Variants in HMCN2 observed in about 807,000 individuals in gnomAD.
The protein encoded by HMCN2 is hemicentin-2.
HMCN2 carries 325 observed loss-of-function variants against 377.5 expected under a neutral mutation model. That is an observed-to-expected ratio of 0.86 (90% CI 0.79 to 0.94). The LOEUF (loss-of-function observed/expected upper bound fraction) is 0.94. Ranked by LOEUF, HMCN2 falls within the 40% of genes least tolerant of loss-of-function variation. The pLI, the probability that HMCN2 is intolerant of heterozygous loss-of-function variation, is 0.00. For missense variants in HMCN2, 4,543 were observed against 4,725.3 expected (o/e 0.96, Z 1.13); for synonymous variants, 2,007 against 2,046.8 (o/e 0.98, Z 0.53).
chr9:130,356,877 G>C (rs1294446032), intron 34 of HMCN2, among the ~76,000 whole-genome samples: 1 of 152,210 alleles, frequency 6.6e-6, no homozygotes. Flanking sequence ...CACACATAAG[G>C]ATGCATGGAT....
chr9:130,364,615 T>C lies in HMCN2; in HGVS notation c.6233-99T>C, dbSNP rs193268518. The C allele has an allele frequency of 2.2e-4, 122 of 561,920 alleles. 3 individuals carry two copies. Among genetic ancestry groups the C allele is most frequent in the African/African-American group, 2.1e-3 (105 of 49,348 alleles). The allele number at this position is 561,920 out of a possible 1,614,324, so 34.8% of individuals were successfully genotyped here. A position where few individuals can be genotyped will look rare whatever the true frequency, so the allele number is the denominator to read the frequency against. On this transcript the variant is annotated intron_variant, in intron 40 of 97. Transcript: ENST00000683500. The stretch of plus-strand genomic sequence containing the variant: ...AAGGCAGAGGAAGGGTGGTCACTCC[T>C]GGCTGCTGCGAGTAGCTAGGCCTGA...
chr9:130,354,856 A>T lies in HMCN2; in HGVS notation c.4958A>T (p.His1653Leu). 1 of 1,303,976 alleles carries T rather than the reference A, an allele frequency of 7.7e-7. No individual in the cohort carries two copies. Among genetic ancestry groups the T allele is most frequent in the Non-Finnish European group, 1.0e-6 (1 of 988,878 alleles). The allele number at this position is 1,303,976 out of a possible 1,614,324, so 80.8% of individuals were successfully genotyped here. ...PVALECVARG[H>L]PSPTLSWHHE... ...GCGCTGGAGTGCGTGGCCAGAGGCC[A>T]CCCGTCCCCCACCCTCTCCTGGCAC... The change falls in exon 32 of 98, where the codon CAC (histidine) becomes CTC (leucine). Residue 1653 changes from histidine (H) to leucine (L), a missense_variant. His to Leu is a moderately conservative substitution (Grantham distance 99). Coordinates refer to ENST00000683500, the MANE Select transcript of HMCN2 (RefSeq NM_001291815.2).
Position 130,393,457 on chromosome 9 carries a change from C to G in HMCN2, c.10234+148C>G. On this transcript the variant is annotated intron_variant, in intron 67 of 97. Coordinates refer to ENST00000683500, the MANE Select transcript of HMCN2 (RefSeq NM_001291815.2). The surrounding 1 kb of genome is among the most constrained non-coding windows in gnomAD (Gnocchi z 5.2). ...ACACTGCGGCTCAGTCTCTGACTCA[C>G]TGTATTGCTCGTTTGTACCTCACAA... The G allele has an allele frequency of 2.1e-6, 1 of 471,844 alleles. No homozygotes were observed. The highest frequency in any genetic ancestry group is 2.9e-6 in the Non-Finnish European group (1 of 341,432). The allele number at this position is 471,844 out of a possible 1,614,324, so 29.2% of individuals were successfully genotyped here.
At position 130,418,856 on chromosome 9, in the gene HMCN2, A is replaced by G; in HGVS notation, c.13046A>G (p.Glu4349Gly). The change falls in exon 86 of 98, where the codon GAG (glutamate) becomes GGG (glycine). Residue 4349 changes from glutamate (E) to glycine (G), a missense_variant. Physicochemically the swap from Glu to Gly is moderately conservative, Grantham distance 98. Around this residue, in one of 5 missense-constraint regions of HMCN2, gnomAD observed 1,155 missense variants for 1,157.7 expected, o/e 1.00. Transcript: ENST00000683500. ...GCCCTGCGGTGCCAGGCCACTGGAG[A>G]GCCCACACCCACCATTGAATGGCTA... ...DVALRCQATG[E>G]PTPTIEWLQA... 6.5e-7 allele frequency: 1 copy of G among 1,548,040 alleles called. No homozygotes were observed.
At chr9:130,285,109 C>T in intron 2 of HMCN2, 49 bp from the exon 3 acceptor site, 1 of 465,348 alleles carries the variant, frequency 2.1e-6, no homozygotes, top group Non-Finnish European at 4.5e-6. Flanking sequence ...TGGGTGGGTC[C>T]CATCTGGAGG....
In HMCN2 at chr9:130,375,815, T is replaced by C. The variant is rs948510956; in HGVS notation, c.7805-61T>C. On this transcript the variant is annotated intron_variant, in intron 50 of 97. Coordinates refer to ENST00000683500, the MANE Select transcript of HMCN2 (RefSeq NM_001291815.2). ...TTGGAGGAGAGGACCTGTGAGCCTGTCCTCATGCCTGGCATGAGGCTGCAG... is the reference window on the plus strand; with the variant it reads ...TTGGAGGAGAGGACCTGTGAGCCTGCCCTCATGCCTGGCATGAGGCTGCAG... The C allele has an allele frequency of 1.1e-4, 107 of 977,442 alleles. 1 individual carries two copies. The highest frequency in any genetic ancestry group is 1.2e-4 in the Non-Finnish European group (100 of 822,452). 60.5% of individuals were successfully genotyped at this position (977,442 alleles called of 1,614,324 possible). A position where few individuals can be genotyped will look rare whatever the true frequency, so the allele number is the denominator to read the frequency against.
Position 130,391,925 on chromosome 9 carries a change from C to T in HMCN2, c.9953-10C>T, listed in dbSNP as rs532033583. The stretch of plus-strand genomic sequence containing the variant: ...TCCGCACTACCCCTCTTTTTTCTAC[C>T]CACCCTCAGTTCCTCCCACCATCAA... On this transcript the variant is annotated splice_polypyrimidine_tract_variant and intron_variant, in intron 65 of 97. Transcript: ENST00000683500. 1 of 987,714 alleles carries T rather than the reference C, an allele frequency of 1.0e-6. No homozygotes were observed. The highest frequency in any genetic ancestry group is 1.2e-6 in the Non-Finnish European group (1 of 829,990). 61.2% of individuals were successfully genotyped at this position (987,714 alleles called of 1,614,324 possible).
chr9:130,316,898 T>C (rs1837590908), intron 15 of HMCN2, among the ~76,000 whole-genome samples: 1 of 152,030 alleles, frequency 6.6e-6, no homozygotes, highest in African/African-American at 2.4e-5. Context: ...GCCTCCCACA[T>C]GTACAATGAG....
At chr9:130,269,842 G>A (rs374041250) in intron 1 of HMCN2, among the ~76,000 whole-genome samples, 21 of 146,620 alleles carry the variant, frequency 1.4e-4, no homozygotes, top group Middle Eastern at 3.6e-3. Context: ...ATGGAGTCTC[G>A]CTCTGTTGCC....
intron 93 of HMCN2, chr9:130,429,170 T>C: frequency 4.9e-6 from 1 of 203,512 alleles, no homozygotes; most frequent in Non-Finnish European, 9.9e-6. Context: ...ACCACTTTCT[T>C]AGCTCTTCCC....
In HMCN2 at chr9:130,430,479, G is replaced by C. The variant is rs1844672344; in HGVS notation, c.14522G>C (p.Trp4841Ser). ...RGPLLPWLRP[W>S]ASIPGTSYHA... ...CCTCTATTGCCCTGGCTGCGGCCCT[G>C]GGCCTCGATCCCCGGTACCTCCTAC... The change falls in exon 95 of 98, where the codon TGG becomes TCG. Residue 4841 changes from tryptophan (W) to serine (S), a missense_variant. Trp to Ser is a radical substitution (Grantham distance 177). This residue lies in a region of HMCN2 where 1,155 missense variants were observed against 1,157.7 expected (regional missense o/e 1.00). Transcript: ENST00000683500. The C allele has an allele frequency of 6.4e-7, 1 of 1,550,482 alleles. No individual in the cohort carries two copies. The highest frequency in any genetic ancestry group is 2.0e-5 in the Admixed American group (1 of 50,992).
In HMCN2 at chr9:130,345,558, G is replaced by A. The variant is rs932739829; in HGVS notation, c.3830-1608G>A. Among the ~76,000 whole-genome samples, 1,451 of 150,114 alleles carry A rather than the reference G, an allele frequency of 9.7e-3. 17 individuals carry two copies. The highest frequency in any genetic ancestry group is 0.013 in the Non-Finnish European group (859 of 67,444). Reference sequence around the variant, plus strand: ...TAGTATGTGGTGTGTGTAGTGCTTGGTGTGTATGTTTGTGTGTGGTATGTG... The same window carrying A: ...TAGTATGTGGTGTGTGTAGTGCTTGATGTGTATGTTTGTGTGTGGTATGTG... On this transcript the variant is annotated intron_variant, in intron 25 of 97. Transcript: ENST00000683500.
Position 130,428,547 on chromosome 9 carries a change from G to T in HMCN2, c.14197+58G>T, listed in dbSNP as rs780239399. 98 of 1,527,370 alleles carry T rather than the reference G, an allele frequency of 6.4e-5. 1 individual carries two copies. The highest frequency in any genetic ancestry group is 8.4e-5 in the Non-Finnish European group (96 of 1,141,084). The allele number at this position is 1,527,370 out of a possible 1,614,324, so 94.6% of individuals were successfully genotyped here. A position where few individuals can be genotyped will look rare whatever the true frequency, so the allele number is the denominator to read the frequency against. ...CTCCTGGAAACCCAGAGGTTGCCAGGGATCAGCTGACAGGGGGCTGTGTGT... is the reference window on the plus strand; with the variant it reads ...CTCCTGGAAACCCAGAGGTTGCCAGTGATCAGCTGACAGGGGGCTGTGTGT... On this transcript the variant is annotated intron_variant, in intron 93 of 97. Coordinates refer to ENST00000683500, the MANE Select transcript of HMCN2 (RefSeq NM_001291815.2). The surrounding 1 kb of genome is among the most constrained non-coding windows in gnomAD (Gnocchi z 5.0).
rs948815718 is a variant in HMCN2, at chr9:130,433,391, C to T, written c.14938C>T (p.Pro4980Ser). 9 of 1,485,468 alleles carry T rather than the reference C, an allele frequency of 6.1e-6. No individual in the cohort carries two copies. The Admixed American group carries it at 1.4e-4, about 22-fold the overall frequency. 92.0% of individuals were successfully genotyped at this position (1,485,468 alleles called of 1,614,324 possible). ...CTCGCAGGACTGCGGCACGGGCGGC[C>T]CCTCTACGCTGCAGTACCGGCTGCT... ...RCSQDCGTGG[P>S]STLQYRLLPL... Residue 4980 changes from proline (P) to serine (S), a missense_variant, in exon 98 of 98, where the codon CCC (proline) becomes TCC (serine). Physicochemically the swap from Pro to Ser is moderately conservative, Grantham distance 74. Around this residue, in one of 5 missense-constraint regions of HMCN2, gnomAD observed 1,155 missense variants for 1,157.7 expected, o/e 1.00. Coordinates refer to ENST00000683500, the MANE Select transcript of HMCN2 (RefSeq NM_001291815.2).
intron 62 of HMCN2, among the ~76,000 whole-genome samples, chr9:130,389,756 G>A (rs1842210611): frequency 6.6e-6 from 1 of 152,024 alleles, no homozygotes; most frequent in African/African-American, 2.4e-5. Context: ...TGTATTTTTA[G>A]TAGAGATGGG....
chr9:130,302,728 G>A (rs1588205122), intron 8 of HMCN2, 129 bp from the exon 9 acceptor site: 1 of 307,712 alleles, frequency 3.2e-6, no homozygotes, highest in East Asian at 8.4e-5. Context: ...AGCTTAGAGA[G>A]GTGACCAGGG....
intron 1 of HMCN2, among the ~76,000 whole-genome samples, chr9:130,279,147 C>T (rs1467400082): frequency 1.3e-5 from 2 of 151,738 alleles, no homozygotes; most frequent in African/African-American, 4.8e-5. Context: ...GATCCACCCA[C>T]CTCGGCCTCC....
intron 22 of HMCN2, among the ~76,000 whole-genome samples, chr9:130,331,843 CAG>C (rs1268705078): frequency 1.3e-5 from 2 of 152,220 alleles, no homozygotes; most frequent in Admixed American, 6.5e-5. Flanking sequence ...GCATTCCACA[CAG>C]GGCCAAATCC....
At position 130,396,290 on chromosome 9, in the gene HMCN2, C is replaced by T. The variant is rs936682346; in HGVS notation, c.11175C>T (p.Val3725=). The T allele has an allele frequency of 7.8e-7, 1 of 1,274,712 alleles. No homozygotes were observed. Among genetic ancestry groups the T allele is most frequent in the Non-Finnish European group, 1.0e-6 (1 of 976,444 alleles). 79.0% of individuals were successfully genotyped at this position (1,274,712 alleles called of 1,614,324 possible). A position where few individuals can be genotyped will look rare whatever the true frequency, so the allele number is the denominator to read the frequency against. ...APLVSWRKDR[V]PLDPRSPRFE... The stretch of plus-strand genomic sequence containing the variant: ...TCGTGAGCTGGCGGAAGGACAGGGT[C>T]CCCCTGGATCCCAGGAGCCCCAGGT... The change falls in exon 73 of 98, where the codon GTC becomes GTT. Residue 3725 remains valine (V), a synonymous_variant. Coordinates refer to ENST00000683500, the MANE Select transcript of HMCN2 (RefSeq NM_001291815.2).
Sources: allele counts gnomAD v4.1 joint callset (sites outside exome capture counted in the v4.1 genomes callset), GRCh38; gene constraint gnomAD v4.1.1; regional missense constraint gnomAD v4.1.1; non-coding constraint Gnocchi (gnomAD v3.1); transcripts MANE v1.5; gene names NCBI Gene and HGNC (gene_info 2026-07-23, HGNC 2026-07-21).